Variants in RNMT observed in about 807,000 individuals in gnomAD.
The protein encoded by RNMT is RNA guanine-7 methyltransferase, also known as mRNA cap guanine-N(7) methyltransferase.
Under a neutral mutation model 56.0 loss-of-function variants are expected in RNMT, and 27 were observed. That is an observed-to-expected ratio of 0.48 (90% CI 0.36 to 0.67). RNMT has a LOEUF of 0.67. RNMT is among the 30% of genes least tolerant of loss of function. RNMT has a pLI of 0.00. For missense variants in RNMT, 519 were observed against 552.1 expected, an observed-to-expected ratio of 0.94 and a Z score of 0.60; for synonymous variants, 184 against 176.2, an observed-to-expected ratio of 1.04 and a Z score of -0.35.
intron 11 of RNMT, among the ~76,000 whole-genome samples, chr18:13,759,251 C>A (rs1290489299): frequency 1.3e-5 from 2 of 152,152 alleles, no homozygotes; most frequent in African/African-American, 4.8e-5. Context: ...TTGTAAAAAA[C>A]ACCAATTTGT....
intron 11 of RNMT, among the ~76,000 whole-genome samples, chr18:13,755,275 G>A (rs191025261): frequency 8.8e-4 from 134 of 152,280 alleles, no homozygotes; most frequent in African/African-American, 3.0e-3. Flanking sequence ...GTGAAAGAGA[G>A]CTTAATGAAA....
At chr18:13,749,984 C>G (rs1158556906) in intron 9 of RNMT, among the ~76,000 whole-genome samples, 1 of 152,130 alleles carries the variant, frequency 6.6e-6, no homozygotes, top group Non-Finnish European at 1.5e-5. Context: ...AGTCTCGAAC[C>G]CCTGAGCTCA....
At chr18:13,735,941 G>A (rs1488787887) in intron 4 of RNMT, among the ~76,000 whole-genome samples, 1 of 151,980 alleles carries the variant, frequency 6.6e-6, no homozygotes, top group Non-Finnish European at 1.5e-5. Context: ...CTCATTCTTT[G>A]TCACTCATTT....
intron 9 of RNMT, among the ~76,000 whole-genome samples, chr18:13,751,036 A>G (rs564783002): frequency 3.3e-5 from 5 of 152,350 alleles, no homozygotes; most frequent in Admixed American, 3.3e-4. Context: ...AGGCAATACC[A>G]TTCAGGACAT....
intron 2 of RNMT, among the ~76,000 whole-genome samples, chr18:13,731,233 C>A (rs1413381290): frequency 2.6e-5 from 4 of 152,044 alleles, no homozygotes; most frequent in Non-Finnish European, 5.9e-5. Flanking sequence ...GTGGGGAAAT[C>A]GCGTCTCAGC....
rs114363580 is a variant in RNMT, at chr18:13,752,392, A to G, written c.1324A>G (p.Lys442Glu). Residue 442 changes from lysine (K) to glutamate (E), a missense_variant, in exon 10 of 12, where the codon AAG becomes GAG. Coordinates refer to ENST00000383314, the MANE Select transcript of RNMT (RefSeq NM_003799.3). ...GGTGGATGACTATGAACATGCAGCA[A>G]AGTACATGAAGAACAGTCAAGTAAG... ...EKVDDYEHAAKYMKNSQVRLP... is the reference protein window; with the variant it reads ...EKVDDYEHAAEYMKNSQVRLP... The G allele has an allele frequency of 8.7e-6, 14 of 1,612,254 alleles. No individual in the cohort carries two copies. Among genetic ancestry groups the G allele is most frequent in the East Asian group, 2.2e-5 (1 of 44,824 alleles).
intron 7 of RNMT, among the ~76,000 whole-genome samples, chr18:13,742,222 T>C (rs1313708896): frequency 6.6e-6 from 1 of 151,910 alleles, no homozygotes; most frequent in Non-Finnish European, 1.5e-5. Flanking sequence ...CCTGTAGTCC[T>C]TGCTCAGGAG....
chr18:13,733,036 C>T (rs2044099558), intron 3 of RNMT, among the ~76,000 whole-genome samples: 1 of 152,004 alleles, frequency 6.6e-6, no homozygotes, highest in South Asian at 2.1e-4. Flanking sequence ...GCTGGGATTA[C>T]AGGCATGAGC....
intron 9 of RNMT, among the ~76,000 whole-genome samples, chr18:13,748,343 A>T (rs1175794974): frequency 2.6e-5 from 4 of 152,134 alleles, no homozygotes; most frequent in Admixed American, 2.6e-4. Context: ...TGGTTTTCCT[A>T]CTTCTTGACC....
At chr18:13,727,882 A>G (rs1414165745) in intron 1 of RNMT, among the ~76,000 whole-genome samples, 2 of 152,182 alleles carry the variant, frequency 1.3e-5, no homozygotes, top group African/African-American at 4.8e-5. Context: ...CAGTTAACAT[A>G]ATGACATCCG....
In RNMT at chr18:13,761,491, C is replaced by G; in HGVS notation, c.*1512C>G. The G allele has an allele frequency of 1.0e-6, 1 of 986,770 alleles. No homozygotes were observed. Among genetic ancestry groups the G allele is most frequent in the Non-Finnish European group, 1.2e-6 (1 of 830,792 alleles). 61.1% of individuals were successfully genotyped at this position (986,770 alleles called of 1,614,324 possible). A position where few individuals can be genotyped will look rare whatever the true frequency, so the allele number is the denominator to read the frequency against. ...AAACATCATCATTATTTCCTCTGTT[C>G]ACATTTACTGGTCTTAATTAACAGG... On this transcript the variant is annotated 3_prime_UTR_variant, in exon 12 of 12. Transcript: ENST00000383314.
chr18:13,741,854 A>G (rs1431446863), intron 7 of RNMT, among the ~76,000 whole-genome samples, 163 bp downstream of exon 7: 1 of 152,260 alleles, frequency 6.6e-6, no homozygotes, highest in Non-Finnish European at 1.5e-5. Context: ...TTCAATAGAC[A>G]AATTTACAGG....
In RNMT at chr18:13,761,675, C is replaced by T. The variant is rs1435692859; in HGVS notation, c.*1696C>T. 3 of 1,034,254 alleles carry T rather than the reference C, an allele frequency of 2.9e-6. No homozygotes were observed. Among genetic ancestry groups the T allele is most frequent in the Middle Eastern group, 4.6e-4 (1 of 2,154 alleles). 64.1% of individuals were successfully genotyped at this position (1,034,254 alleles called of 1,614,324 possible). On this transcript the variant is annotated 3_prime_UTR_variant, in exon 12 of 12. Coordinates refer to ENST00000383314, the MANE Select transcript of RNMT (RefSeq NM_003799.3). The stretch of plus-strand genomic sequence containing the variant: ...AAGGCCTTCAGTGAACAGAAAGGAG[C>T]AGAGAGCAAGATTAGATCTGAGAAG...
chr18:13,737,056 T>C lies in RNMT; in HGVS notation c.600T>C (p.Thr200=). 3.1e-6 allele frequency: 5 copies of C among 1,613,278 alleles called. No individual in the cohort carries two copies. In the South Asian group the frequency reaches 3.3e-5, roughly 11 times the overall value. Residue 200 remains threonine (T), a synonymous_variant, in exon 5 of 12, where the codon ACT becomes ACC. Transcript: ENST00000383314. ...GACAGAAGAAAAAACGTGATATCAC[T>C]GTTTTGGACCTGGGATGTGGTAAAG... ...KVRQKKKRDI[T]VLDLGCGKGG... is the part of the protein sequence containing the mutation.
intron 1 of RNMT, among the ~76,000 whole-genome samples, chr18:13,728,727 ATATT>A (rs1264764401): frequency 6.6e-6 from 1 of 151,978 alleles, no homozygotes; most frequent in African/African-American, 2.4e-5. Context: ...CATTTCCCTG[ATATT>A]ACTGATATTG....
Position 13,760,985 on chromosome 18 carries a change from ATTTGGAAAAC to A in RNMT, c.*1009_*1018del. 3 of 985,426 alleles carry A rather than the reference ATTTGGAAAAC, an allele frequency of 3.0e-6. No homozygotes were observed. Among genetic ancestry groups the A allele is most frequent in the Non-Finnish European group, 3.6e-6 (3 of 829,912 alleles). 61.0% of individuals were successfully genotyped at this position (985,426 alleles called of 1,614,324 possible). ...ACTGTTGTCCTTGCTTTACACCACC[ATTTGGAAAAC>A]TTACCAGTTTTTAGATGTAGATGTA... On this transcript the variant is annotated 3_prime_UTR_variant, in exon 12 of 12. Coordinates refer to ENST00000383314, the MANE Select transcript of RNMT (RefSeq NM_003799.3).
At chr18:13,750,668 G>A (rs1039330120) in intron 9 of RNMT, among the ~76,000 whole-genome samples, 5 of 152,002 alleles carry the variant, frequency 3.3e-5, no homozygotes, top group Admixed American at 2.0e-4. Context: ...CCAGCATAGT[G>A]GCTTGTGCGT....
At chr18:13,736,212 C>T (rs532753814) in intron 4 of RNMT, among the ~76,000 whole-genome samples, 2 of 152,238 alleles carry the variant, frequency 1.3e-5, no homozygotes, top group African/African-American at 2.4e-5. Context: ...GGTGAAAGTA[C>T]TTGTACAGGA....
At position 13,741,647 on chromosome 18, in the gene RNMT, T is replaced by C. The variant is rs2044253389; in HGVS notation, c.930T>C (p.Pro310=). Residue 310 remains proline, a synonymous_variant, in exon 7 of 12, where the codon CCT becomes CCC. Transcript: ENST00000383314. ...GAAATGCGTGTGAGAGACTTAGCCC[T>C]GGGGGCTATTTTATTGGTACTACTC... is the stretch of plus-strand genomic sequence containing the variant. ...MLRNACERLS[P]GGYFIGTTPN... is the part of the protein sequence containing the mutation. 6.2e-7 allele frequency: 1 copy of C among 1,613,428 alleles called. No homozygotes were observed. The highest frequency in any genetic ancestry group is 8.5e-7 in the Non-Finnish European group (1 of 1,179,482).
Sources: allele counts gnomAD v4.1 joint callset (sites outside exome capture counted in the v4.1 genomes callset), GRCh38; gene constraint gnomAD v4.1.1; transcripts MANE v1.5; gene names NCBI Gene and HGNC (gene_info 2026-07-23, HGNC 2026-07-21).